L1TD1: variants seen among roughly 807,000 people sequenced by gnomAD.
L1TD1 encodes the protein LINE-1 type transposase domain-containing protein 1.
Under a neutral mutation model 25.7 loss-of-function variants are expected in L1TD1, and 26 were observed. The ratio of observed to expected loss-of-function variants is 1.01; its 90% CI spans 0.74 to 1.40. L1TD1 has a LOEUF of 1.40. Among genes scored for constraint, L1TD1 ranks in the 40% most tolerant of loss-of-function variants. The pLI is 0.00. For missense variants in L1TD1, 1,130 were observed against 975.0 expected, an observed-to-expected ratio of 1.16 and a Z score of -2.12; for synonymous variants, 421 against 335.6, an observed-to-expected ratio of 1.25 and a Z score of -2.78.
Position 62,210,768 on chromosome 1 carries a change from G to A in L1TD1, c.1994G>A (p.Ser665Asn). ...RMDILEERID[S>N]LEDQIEEFSK... is the part of the protein sequence containing the mutation. ...GACATACTTGAAGAAAGAATAGACA[G>A]TCTAGAAGATCAAATTGAAGAATTC... The change falls in exon 4 of 4, where the codon AGT (serine) becomes AAT (asparagine). Residue 665 changes from serine to asparagine, a missense_variant. Ser to Asn is a conservative substitution (Grantham distance 46). Transcript: ENST00000498273. 8 of 1,550,546 alleles carry A rather than the reference G, an allele frequency of 5.2e-6. No homozygotes were observed. The highest frequency in any genetic ancestry group is 6.1e-6 in the Non-Finnish European group (7 of 1,146,748).
chr1:62,207,193 A>T lies in L1TD1; in HGVS notation c.565A>T (p.Asn189Tyr). The T allele has an allele frequency of 6.4e-7, 1 of 1,552,382 alleles. No individual in the cohort carries two copies. The highest frequency in any genetic ancestry group is 8.7e-7 in the Non-Finnish European group (1 of 1,147,234). ...TATAGATGACAGAGATGGAAATCGC[A>T]ATGTCCATTTAGAATTTACAGAAAG... ...CNIDDRDGNR[N>Y]VHLEFTERES... The change falls in exon 3 of 4, where the codon AAT (asparagine) becomes TAT (tyrosine). Residue 189 changes from asparagine (N) to tyrosine (Y), a missense_variant. Transcript: ENST00000498273.
chr1:62,209,687 G>A, intron 3 of L1TD1, 96 bp from the exon 4 acceptor site: 1 of 1,028,742 alleles, frequency 9.7e-7, no homozygotes. Context: ...CAGAATTGAA[G>A]CCATATTAAA....
chr1:62,210,889 A>G lies in L1TD1; in HGVS notation c.2115A>G (p.Ile705Met), dbSNP rs1369900889. 1 of 1,551,424 alleles carries G rather than the reference A, an allele frequency of 6.4e-7. No homozygotes were observed. Among genetic ancestry groups the G allele is most frequent in the East Asian group, 2.4e-5 (1 of 40,894 alleles). The part of the protein sequence containing the change: ...ERSRSCNIRL[I>M]GIPEKESYEN... The stretch of plus-strand genomic sequence containing the variant: ...CTAGAAGTTGCAACATTCGTTTGAT[A>G]GGAATTCCAGAAAAGGAGAGTTATG... The change falls in exon 4 of 4, where the codon ATA becomes ATG. Residue 705 changes from isoleucine (I) to methionine (M), a missense_variant. Coordinates refer to ENST00000498273, the MANE Select transcript of L1TD1 (RefSeq NM_019079.5).
Position 62,210,157 on chromosome 1 carries a change from C to A in L1TD1, c.1383C>A (p.Thr461=). 4 of 1,614,032 alleles carry A rather than the reference C, an allele frequency of 2.5e-6. No homozygotes were observed. The highest frequency in any genetic ancestry group is 3.4e-6 in the Non-Finnish European group (4 of 1,180,024). ...ATGCAAAGCATGAAGTTGAGATAAC[C>A]AGTGATGGCATGGAAACTACTTTCA... is the stretch of plus-strand genomic sequence containing the variant. ...LVDAKHEVEI[T]SDGMETTFID... The change falls in exon 4 of 4, where the codon ACC becomes ACA. Residue 461 remains threonine (T), a synonymous_variant. Coordinates refer to ENST00000498273, the MANE Select transcript of L1TD1 (RefSeq NM_019079.5).
chr1:62,195,301 A>C (rs1020433278), intron 1 of L1TD1, among the ~76,000 whole-genome samples: 1 of 152,190 alleles, frequency 6.6e-6, no homozygotes, highest in African/African-American at 2.4e-5. Flanking sequence ...TGGCCCCCTC[A>C]CTTGACTCCC....
At chr1:62,201,442 C>G (rs1024398392) in intron 2 of L1TD1, among the ~76,000 whole-genome samples, 1 of 147,628 alleles carries the variant, frequency 6.8e-6, no homozygotes, top group Non-Finnish European at 1.5e-5. Flanking sequence ...CATTATCAGG[C>G]TAGACCCGGT....
intron 1 of L1TD1, among the ~76,000 whole-genome samples, chr1:62,195,714 TGCGC>T (rs1410769792): frequency 9.9e-5 from 15 of 151,188 alleles, no homozygotes; most frequent in African/African-American, 3.7e-4. Flanking sequence ...ATCGCGCCAT[TGCGC>T]TCCAGACTGG....
rs7552335 is a variant in L1TD1 at position 62,206,709 on chromosome 1, A to T, written c.81A>T (p.Arg27Ser). ...AGGAAAATATCACCTATATGAAAAGAGAGCAGTTAACAGAAACTGATAAGG... is the reference window on the plus strand; with the variant it reads ...AGGAAAATATCACCTATATGAAAAGTGAGCAGTTAACAGAAACTGATAAGG... ...KKKENITYMKREQLTETDKDI... is the reference protein window; with the variant it reads ...KKKENITYMKSEQLTETDKDI... The change falls in exon 3 of 4, where the codon AGA becomes AGT. Residue 27 changes from arginine to serine, a missense_variant. Coordinates refer to ENST00000498273, the MANE Select transcript of L1TD1 (RefSeq NM_019079.5). 5.6e-3 allele frequency: 8,594 copies of T among 1,547,018 alleles called. 417 individuals are homozygous for T. The African/African-American group carries it at 0.11, about 19-fold the overall frequency.
Position 62,206,524 on chromosome 1 carries a change from C to T in L1TD1, c.-105C>T, listed in dbSNP as rs377554964. On this transcript the variant is annotated 5_prime_UTR_variant, in exon 3 of 4. The change creates a new upstream start codon in the 5' untranslated region. Transcript: ENST00000498273. Reference sequence around the variant, plus strand: ...TTCATTTTTTTGTATTTCAGATTGACGTATTTTAAGATTTTTTTAACTTCT... The same window carrying T: ...TTCATTTTTTTGTATTTCAGATTGATGTATTTTAAGATTTTTTTAACTTCT... 2.9e-5 allele frequency: 32 copies of T among 1,115,546 alleles called. No homozygotes were observed. Among genetic ancestry groups the T allele is most frequent in the South Asian group, 1.4e-4 (5 of 34,644 alleles). 69.1% of individuals were successfully genotyped at this position (1,115,546 alleles called of 1,614,324 possible).
Position 62,210,258 on chromosome 1 carries a change from C to G in L1TD1, c.1484C>G (p.Thr495Ser). The G allele has an allele frequency of 6.2e-7, 1 of 1,614,092 alleles. No individual in the cohort carries two copies. Among genetic ancestry groups the G allele is most frequent in the African/African-American group, 1.3e-5 (1 of 75,034 alleles). ...TCTGAAACAGGAAAGGTAAAGACTA[C>G]CTCCCTGACTGAGAAAAAAGCCTCA... The part of the protein sequence containing the change: ...KSSETGKVKT[T>S]SLTEKKASRR... The change falls in exon 4 of 4, where the codon ACC becomes AGC. Residue 495 changes from threonine to serine, a missense_variant. Thr to Ser is a moderately conservative substitution (Grantham distance 58). Coordinates refer to ENST00000498273, the MANE Select transcript of L1TD1 (RefSeq NM_019079.5).
At position 62,211,632 on chromosome 1, in the gene L1TD1, C is replaced by G. The variant is rs1257431426; in HGVS notation, c.*260C>G. On this transcript the variant is annotated 3_prime_UTR_variant, in exon 4 of 4. Transcript: ENST00000498273. ...ATAGAATTCCTTGTTTTACTTCCCC[C>G]CCACCACCTCCCTACTGCAGTTGAC... 1 of 351,058 alleles carries G rather than the reference C, an allele frequency of 2.8e-6. No individual in the cohort carries two copies. The highest frequency in any genetic ancestry group is 4.9e-6 in the Non-Finnish European group (1 of 204,616). 21.7% of individuals were successfully genotyped at this position (351,058 alleles called of 1,614,324 possible). A position where few individuals can be genotyped will look rare whatever the true frequency, so the allele number is the denominator to read the frequency against.
At chr1:62,199,593 T>A (rs1670604983) in intron 2 of L1TD1, among the ~76,000 whole-genome samples, 2 of 151,842 alleles carry the variant, frequency 1.3e-5, no homozygotes, top group Admixed American at 1.3e-4. Flanking sequence ...CCAGGCATGG[T>A]GGTGCGTGCT....
chr1:62,204,281 G>T (rs971257353), intron 2 of L1TD1, among the ~76,000 whole-genome samples: 52 of 151,948 alleles, frequency 3.4e-4, no homozygotes, highest in African/African-American at 1.2e-3. Flanking sequence ...CCCTTGATCT[G>T]GTAATTTAAC....
chr1:62,203,667 C>T (rs1670684705), intron 2 of L1TD1, among the ~76,000 whole-genome samples: 1 of 152,230 alleles, frequency 6.6e-6, no homozygotes, highest in Non-Finnish European at 1.5e-5. Flanking sequence ...CAAGCTCTGC[C>T]TCCCAGGTTC....
chr1:62,209,320 G>GTTT (rs1670812848), intron 3 of L1TD1, among the ~76,000 whole-genome samples: 1 of 133,666 alleles, frequency 7.5e-6, no homozygotes, highest in Admixed American at 8.0e-5. Flanking sequence ...TGGGTTTGTT[G>GTTT]TCTGTGGAGA....
Position 62,210,046 on chromosome 1 carries a change from G to A in L1TD1, c.1272G>A (p.Leu424=). Residue 424 remains leucine, a synonymous_variant, in exon 4 of 4, where the codon TTG becomes TTA. Coordinates refer to ENST00000498273, the MANE Select transcript of L1TD1 (RefSeq NM_019079.5). ...AAGAAGAAGAAGAGGCTTCAGGGTTGGAGGAGGATGAGGCCTCAGGGCTAG... is the reference window on the plus strand; with the variant it reads ...AAGAAGAAGAAGAGGCTTCAGGGTTAGAGGAGGATGAGGCCTCAGGGCTAG... The part of the protein sequence containing the change: ...EEEEEEEASG[L]EEDEASGLEE... The A allele has an allele frequency of 3.7e-6, 6 of 1,613,006 alleles. No homozygotes were observed. Among genetic ancestry groups the A allele is most frequent in the Non-Finnish European group, 5.1e-6 (6 of 1,179,286 alleles).
At chr1:62,205,426 TA>T (rs1557443543) in intron 2 of L1TD1, among the ~76,000 whole-genome samples, 2 of 59,960 alleles carry the variant, frequency 3.3e-5, no homozygotes, top group African/African-American at 1.1e-4. Context: ...TCTATATATA[TA>T]TATATATATA....
chr1:62,207,721 T>G (rs1348653578), intron 3 of L1TD1, 85 bp downstream of exon 3: 4 of 1,414,264 alleles, frequency 2.8e-6, no homozygotes, highest in Non-Finnish European at 9.3e-7. Flanking sequence ...AATCAATTTT[T>G]TTTTTCTTGA....
chr1:62,194,938 T>C lies in L1TD1; in HGVS notation c.-205+17T>C, dbSNP rs943196169. On this transcript the variant is annotated intron_variant, in intron 1 of 3. Coordinates refer to ENST00000498273, the MANE Select transcript of L1TD1 (RefSeq NM_019079.5). ...TTTCGCCAGGTAAGGCTGGCCCGGG[T>C]GCATGGGGCCCGGCGTGCCCTGGGT... 2.0e-5 allele frequency: 3 copies of C among 152,228 alleles called. No homozygotes were observed. The highest frequency in any genetic ancestry group is 7.2e-5 in the African/African-American group (3 of 41,434). The allele number at this position is 152,228 out of a possible 1,614,324, so 9.4% of individuals were successfully genotyped here. A position where few individuals can be genotyped will look rare whatever the true frequency, so the allele number is the denominator to read the frequency against.
Sources: allele counts gnomAD v4.1 joint callset (sites outside exome capture counted in the v4.1 genomes callset), GRCh38; gene constraint gnomAD v4.1.1; transcripts MANE v1.5; gene names NCBI Gene and HGNC (gene_info 2026-07-23, HGNC 2026-07-21).